Variants in RNF2 observed in about 807,000 individuals in gnomAD.
RNF2 encodes the protein ring finger protein 2, also known as E3 ubiquitin-protein ligase RING2.
Under a neutral mutation model 37.2 loss-of-function variants are expected in RNF2, and 6 were observed. That is an observed-to-expected ratio of 0.16 (90% CI 0.09 to 0.32). The LOEUF (loss-of-function observed/expected upper bound fraction) is 0.32. Among genes scored for constraint, RNF2 ranks in the 10% least tolerant of loss-of-function variants. The pLI is 1.00. For synonymous variants in RNF2, 133 were observed against 132.7 expected (o/e 1.00, Z -0.02); for missense variants, 251 against 404.0 (o/e 0.62, Z 3.25).
chr1:185,069,629 T>C (rs1041889967), intron 1 of RNF2, among the ~76,000 whole-genome samples: 1 of 152,212 alleles, frequency 6.6e-6, no homozygotes, highest in African/African-American at 2.4e-5. Flanking sequence ...ACTTTAGCCC[T>C]ATACTCTTAA....
chr1:185,088,404 A>G (rs1651664872), intron 2 of RNF2, among the ~76,000 whole-genome samples: 1 of 152,136 alleles, frequency 6.6e-6, no homozygotes, highest in Non-Finnish European at 1.5e-5. Flanking sequence ...TGAAAATACA[A>G]AATTAGCCAG....
chr1:185,075,126 C>G (rs906419120), intron 1 of RNF2, among the ~76,000 whole-genome samples: 3 of 152,080 alleles, frequency 2.0e-5, no homozygotes, highest in Non-Finnish European at 4.4e-5. Context: ...TCCCTAGTAG[C>G]TGGATTACAG....
At chr1:185,083,105 C>T (rs541701700) in intron 1 of RNF2, among the ~76,000 whole-genome samples, 1 of 152,190 alleles carries the variant, frequency 6.6e-6, no homozygotes, top group South Asian at 2.1e-4. Context: ...TGTTTTTTTC[C>T]CCTGCTTCTT....
chr1:185,084,461 A>G (rs1242182482), intron 1 of RNF2, among the ~76,000 whole-genome samples: 2 of 152,336 alleles, frequency 1.3e-5, no homozygotes, highest in South Asian at 2.1e-4. Context: ...TGTTAGATGC[A>G]TAAGGAGGAC....
chr1:185,051,220 T>C (rs978845896), intron 1 of RNF2, among the ~76,000 whole-genome samples: 1 of 152,104 alleles, frequency 6.6e-6, no homozygotes, highest in Non-Finnish European at 1.5e-5. Flanking sequence ...CTATATAGAG[T>C]CTTATTCAGT....
At chr1:185,099,643 A>T in intron 5 of RNF2, 148 bp from the exon 6 acceptor site, 1 of 662,506 alleles carries the variant, frequency 1.5e-6, no homozygotes, top group Non-Finnish European at 2.6e-6. Flanking sequence ...TAGATTGTAG[A>T]GCAGTAAATT....
In RNF2 at chr1:185,087,100, G is replaced by GTTT. The variant is rs574444823; in HGVS notation, c.-2-446_-2-444dup. On this transcript the variant is annotated intron_variant, in intron 1 of 6. Transcript: ENST00000367510. Reference sequence around the variant, plus strand: ...ATTTTTGAGAACCAGTGAATAATTTGTTTTTTTTATTCTCAAGATTAACAA... The same window carrying GTTT: ...ATTTTTGAGAACCAGTGAATAATTTGTTTTTTTTTTTATTCTCAAGATTAACAA... Among the ~76,000 whole-genome samples, 838 of 151,870 alleles carry GTTT rather than the reference G, an allele frequency of 5.5e-3. 4 individuals carry two copies. Among genetic ancestry groups the GTTT allele is most frequent in the Non-Finnish European group, 9.5e-3 (648 of 67,902 alleles).
chr1:185,100,175 A>T (rs1330957584), intron 6 of RNF2, 25 bp from the exon 7 acceptor site: 1 of 1,527,102 alleles, frequency 6.5e-7, no homozygotes, highest in Non-Finnish European at 8.9e-7. Context: ...AGTTTTCATA[A>T]TTTTTTCTTT....
Position 185,085,764 on chromosome 1 carries a change from C to A in RNF2, c.-2-1788C>A, listed in dbSNP as rs56325070. Among the ~76,000 whole-genome samples the A allele has an allele frequency of 7.9e-3, 1,210 of 152,226 alleles. 18 individuals are homozygous for A. The highest frequency in any genetic ancestry group is 0.027 in the African/African-American group (1,106 of 41,528). On this transcript the variant is annotated intron_variant, in intron 1 of 6. Transcript: ENST00000367510. ...TGCCTCCCGGGTTCAAGCGATTCTC[C>A]TACCTCATCCTCCCGCATAGCTGGG...
chr1:185,071,253 A>G (rs562550864), intron 1 of RNF2, among the ~76,000 whole-genome samples: 23 of 152,300 alleles, frequency 1.5e-4, no homozygotes, highest in African/African-American at 5.5e-4. Context: ...CTTGTCTTCT[A>G]CCTGTGAAGA....
chr1:185,056,163 T>C (rs186829462), intron 1 of RNF2, among the ~76,000 whole-genome samples: 176 of 152,278 alleles, frequency 1.2e-3, no homozygotes, highest in African/African-American at 3.9e-3. Context: ...CTCCATTACT[T>C]GAAGAGTTCT....
chr1:185,089,819 C>G (rs986032225), intron 2 of RNF2, among the ~76,000 whole-genome samples: 2 of 151,958 alleles, frequency 1.3e-5, no homozygotes, highest in Non-Finnish European at 2.9e-5. Flanking sequence ...CACCTGAGGT[C>G]AGGAGTTTGC....
intron 1 of RNF2, among the ~76,000 whole-genome samples, chr1:185,075,546 T>G (rs1277855313): frequency 6.6e-6 from 1 of 152,192 alleles, no homozygotes; most frequent in Non-Finnish European, 1.5e-5. Flanking sequence ...GAGGTTTAGT[T>G]GGCTCAAGGT....
chr1:185,064,672 T>C (rs1311688665), intron 1 of RNF2, among the ~76,000 whole-genome samples: 2 of 148,888 alleles, frequency 1.3e-5, no homozygotes, highest in African/African-American at 2.5e-5. Context: ...AACGAGCATC[T>C]TTATTGTTAT....
chr1:185,060,591 T>C (rs1164683570), intron 1 of RNF2, among the ~76,000 whole-genome samples: 2 of 151,978 alleles, frequency 1.3e-5, no homozygotes, highest in African/African-American at 4.8e-5. Context: ...TAGTGTAGAG[T>C]TGATATGTGT....
chr1:185,098,000 A>T, intron 4 of RNF2, 72 bp from the exon 5 acceptor site: 1 of 1,530,254 alleles, frequency 6.5e-7, no homozygotes, highest in Non-Finnish European at 8.8e-7. Flanking sequence ...TTCAGTAGCA[A>T]ACATGCTTCA....
chr1:185,079,363 A>C (rs1343796688), intron 1 of RNF2, among the ~76,000 whole-genome samples: 2 of 152,190 alleles, frequency 1.3e-5, no homozygotes, highest in Admixed American at 1.3e-4. Flanking sequence ...GAATGGAGTC[A>C]CTTATCCTAA....
chr1:185,085,940 CCG>C (rs1651584261), intron 1 of RNF2, among the ~76,000 whole-genome samples: 2 of 152,210 alleles, frequency 1.3e-5, no homozygotes, highest in Non-Finnish European at 2.9e-5. Flanking sequence ...GGATGAGCCA[CCG>C]CACCTGGCCC....
At chr1:185,056,326 TACA>T (rs1342844864) in intron 1 of RNF2, among the ~76,000 whole-genome samples, 2 of 152,052 alleles carry the variant, frequency 1.3e-5, no homozygotes, top group Non-Finnish European at 2.9e-5. Flanking sequence ...AAAAAAATTT[TACA>T]AGATAAATTA....
Sources: gnomAD v4.1 joint callset for allele counts (sites outside exome capture counted in the v4.1 genomes callset) on GRCh38, gnomAD v4.1.1 for gene constraint, MANE v1.5 for transcripts, NCBI Gene and HGNC (gene_info 2026-07-23, HGNC 2026-07-21) for gene names.